GPR158: variants seen among roughly 807,000 people sequenced by gnomAD.
The protein encoded by GPR158 is metabotropic glycine receptor.
Under a neutral mutation model 78.2 loss-of-function variants are expected in GPR158, and 30 were observed. That is an observed-to-expected ratio of 0.38 (90% confidence interval 0.29 to 0.52). The LOEUF (loss-of-function observed/expected upper bound fraction) is 0.52. Among genes scored for constraint, GPR158 ranks in the 20% least tolerant of loss-of-function variants. GPR158 has a pLI of 0.83. For synonymous variants in GPR158, 581 were observed against 591.1 expected, an observed-to-expected ratio of 0.98 and a Z score of 0.25; for missense variants, 1,463 against 1,523.5, an observed-to-expected ratio of 0.96 and a Z score of 0.66.
intron 5 of GPR158, among the ~76,000 whole-genome samples, chr10:25,476,626 G>A: frequency 6.6e-6 from 1 of 152,144 alleles, no homozygotes; most frequent in Non-Finnish European, 1.5e-5. Flanking sequence ...GAGCGATTAT[G>A]ATTCAGATTC....
chr10:25,402,511 T>A (rs1834461385), intron 3 of GPR158, among the ~76,000 whole-genome samples: 1 of 152,092 alleles, frequency 6.6e-6, no homozygotes, highest in Non-Finnish European at 1.5e-5. Flanking sequence ...AGGATGCCCT[T>A]TTCATAGGAC....
intron 2 of GPR158, among the ~76,000 whole-genome samples, chr10:25,387,735 C>T (rs905499088): frequency 1.3e-5 from 2 of 152,054 alleles, no homozygotes; most frequent in African/African-American, 4.8e-5. Flanking sequence ...AGGATGGTCT[C>T]GATCTCCTGA....
intron 2 of GPR158, among the ~76,000 whole-genome samples, chr10:25,270,004 G>A (rs2130741915): frequency 6.6e-6 from 1 of 152,212 alleles, no homozygotes; most frequent in East Asian, 1.9e-4. Flanking sequence ...GGGAATTCAA[G>A]CTCTTTTACC....
intron 2 of GPR158, among the ~76,000 whole-genome samples, chr10:25,237,446 C>T (rs1564398371): frequency 6.6e-6 from 1 of 152,164 alleles, no homozygotes; most frequent in Non-Finnish European, 1.5e-5. Flanking sequence ...GAATGTCTAT[C>T]ATCATACATA....
At chr10:25,375,672 A>G (rs1834068173) in intron 2 of GPR158, among the ~76,000 whole-genome samples, 1 of 151,556 alleles carries the variant, frequency 6.6e-6, no homozygotes, top group Non-Finnish European at 1.5e-5. Context: ...GCTTAATTGT[A>G]TTTGCGCATC....
rs1837492565 is a variant in GPR158, at chr10:25,601,183, CA to C, written c.*1910del. The C allele has an allele frequency of 6.6e-6, 1 of 152,580 alleles. No homozygotes were observed. Among genetic ancestry groups the C allele is most frequent in the Admixed American group, 6.6e-5 (1 of 15,252 alleles). 9.5% of individuals were successfully genotyped at this position (152,580 alleles called of 1,614,324 possible). ...TCCATATTCATCATCAAATTTTTCT[CA>C]GTGATTTTTTTATTCAGGAGTAAGC... On this transcript the variant is annotated 3_prime_UTR_variant, in exon 11 of 11. Transcript: ENST00000376351.
At chr10:25,532,277 A>C (rs2130694602) in intron 5 of GPR158, among the ~76,000 whole-genome samples, 1 of 145,890 alleles carries the variant, frequency 6.9e-6, no homozygotes, top group South Asian at 2.2e-4. Flanking sequence ...CGGATGAGGC[A>C]CCATACTAAG....
intron 3 of GPR158, among the ~76,000 whole-genome samples, chr10:25,408,791 C>T (rs566166436): frequency 6.6e-5 from 10 of 152,196 alleles, no homozygotes; most frequent in Admixed American, 1.3e-4. Context: ...CTACCCATTG[C>T]GATCACCATG....
chr10:25,346,122 T>C (rs553336286), intron 2 of GPR158, among the ~76,000 whole-genome samples: 2 of 152,068 alleles, frequency 1.3e-5, no homozygotes, highest in African/African-American at 4.8e-5. Context: ...ATATATCTCA[T>C]ATATAATGAG....
intron 8 of GPR158, among the ~76,000 whole-genome samples, chr10:25,589,437 T>C (rs1021839814): frequency 1.2e-4 from 18 of 152,236 alleles, no homozygotes; most frequent in Non-Finnish European, 2.6e-4. Context: ...GTTTGTAATA[T>C]GTAGCTTCAT....
At chr10:25,596,057 G>A (rs775803810) in intron 9 of GPR158, among the ~76,000 whole-genome samples, 2 of 152,112 alleles carry the variant, frequency 1.3e-5, no homozygotes, top group Admixed American at 6.5e-5. Flanking sequence ...AATAAGGTAA[G>A]TATTTTAAAT....
At chr10:25,456,065 C>G (rs1835286852) in intron 4 of GPR158, among the ~76,000 whole-genome samples, 1 of 152,140 alleles carries the variant, frequency 6.6e-6, no homozygotes, top group South Asian at 2.1e-4. Context: ...ATCTAAATAA[C>G]AATCGCTACC....
chr10:25,191,438 G>A (rs1285701158), intron 1 of GPR158, among the ~76,000 whole-genome samples: 2 of 152,188 alleles, frequency 1.3e-5, no homozygotes, highest in Non-Finnish European at 2.9e-5. Context: ...CACCTGAAGA[G>A]CCTGATAATA....
chr10:25,554,062 C>T (rs753206710), intron 6 of GPR158, among the ~76,000 whole-genome samples: 2 of 151,960 alleles, frequency 1.3e-5, no homozygotes, highest in Non-Finnish European at 2.9e-5. Context: ...TAAGCAAAAA[C>T]AGGATTCATT....
chr10:25,366,811 A>AT (rs969188872), intron 2 of GPR158, among the ~76,000 whole-genome samples: 1 of 147,026 alleles, frequency 6.8e-6, no homozygotes, highest in East Asian at 2.0e-4. Flanking sequence ...TATTGATTAA[A>AT]TTTTTTTTGA....
intron 5 of GPR158, among the ~76,000 whole-genome samples, chr10:25,478,452 G>A (rs898096532): frequency 2.0e-5 from 3 of 151,798 alleles, no homozygotes; most frequent in Non-Finnish European, 4.4e-5. Flanking sequence ...AGACAGATGT[G>A]TAGATACATA....
chr10:25,206,535 C>T (rs918830102), intron 1 of GPR158, among the ~76,000 whole-genome samples: 4 of 151,958 alleles, frequency 2.6e-5, no homozygotes, highest in Admixed American at 1.3e-4. Flanking sequence ...TCTAATCACC[C>T]ACAATCTTAA....
chr10:25,577,316 T>C (rs989676375), intron 7 of GPR158, among the ~76,000 whole-genome samples: 1 of 152,210 alleles, frequency 6.6e-6, no homozygotes, highest in Non-Finnish European at 1.5e-5. Context: ...AGAGGTAATG[T>C]TCCCATATAG....
chr10:25,231,407 T>TTA (rs1278148013), intron 2 of GPR158, among the ~76,000 whole-genome samples: 1 of 152,130 alleles, frequency 6.6e-6, no homozygotes, highest in Non-Finnish European at 1.5e-5. Flanking sequence ...ATCAGATACT[T>TTA]TAGAGTAGGA....
Sources: gnomAD v4.1 joint callset for allele counts (sites outside exome capture counted in the v4.1 genomes callset) on GRCh38, gnomAD v4.1.1 for gene constraint, MANE v1.5 for transcripts, NCBI Gene and HGNC (gene_info 2026-07-23, HGNC 2026-07-21) for gene names.